The following USP32 variants were observed in gnomAD, a reference collection of about 807,000 sequenced individuals.
USP32 encodes the protein ubiquitin specific peptidase 32.
Under a neutral mutation model 204.8 loss-of-function variants are expected in USP32, and 59 were observed. The observed-to-expected ratio is 0.29, with a 90% CI of 0.23 to 0.36. The LOEUF (loss-of-function observed/expected upper bound fraction) is 0.36. Ranked by LOEUF, USP32 falls within the 10% of genes least tolerant of loss-of-function variation. USP32 has a pLI of 1.00. For synonymous variants in USP32, 517 were observed against 678.4 expected (o/e 0.76, Z 3.70); for missense variants, 1,160 against 1,946.4 (o/e 0.60, Z 7.60).
chr17:60,361,943 G>T (rs2089215900), intron 1 of USP32, among the ~76,000 whole-genome samples: 2 of 152,120 alleles, frequency 1.3e-5, no homozygotes, highest in South Asian at 2.1e-4. Flanking sequence ...CTATATGTGG[G>T]TATGTGCCTG....
chr17:60,273,090 A>G (rs772291147), intron 5 of USP32, among the ~76,000 whole-genome samples: 1 of 152,144 alleles, frequency 6.6e-6, no homozygotes, highest in East Asian at 1.9e-4. Flanking sequence ...CTTGTGTTTC[A>G]GCTTCCCAAG....
Position 60,226,167 on chromosome 17 carries a change from G to A in USP32, c.1304C>T (p.Thr435Ile). 6.3e-7 allele frequency: 1 copy of A among 1,597,570 alleles called. No individual in the cohort carries two copies. ...GACCTGCTCCATAGGATGGGCTGCA[G>A]TTCCAAATGAGTATTTTCCTCCATT... ...VLNGGKYSFGTAAHPMEQVED... is the reference protein window; with the variant it reads ...VLNGGKYSFGIAAHPMEQVED... Residue 435 changes from threonine (T) to isoleucine (I), a missense_variant, in exon 13 of 34, where the codon ACT becomes ATT. Physicochemically the swap from Thr to Ile is moderately conservative, Grantham distance 89 (BLOSUM62 -1). This residue lies in a region of USP32 where 536 missense variants were observed against 680.9 expected (regional missense o/e 0.79). Transcript: ENST00000300896.
intron 16 of USP32, among the ~76,000 whole-genome samples, chr17:60,219,006 T>C (rs1252785189): frequency 6.6e-6 from 1 of 152,228 alleles, no homozygotes; most frequent in Admixed American, 6.5e-5. Context: ...AGGGGAACTT[T>C]TTGCATGTTA....
At chr17:60,349,680 C>T (rs2088903274) in intron 1 of USP32, among the ~76,000 whole-genome samples, 1 of 127,924 alleles carries the variant, frequency 7.8e-6, no homozygotes, top group Admixed American at 8.7e-5. Context: ...TATATATACA[C>T]ACATATATAT....
chr17:60,189,969 T>A (rs982898731), intron 29 of USP32, among the ~76,000 whole-genome samples: 7 of 152,238 alleles, frequency 4.6e-5, no homozygotes, highest in African/African-American at 1.7e-4. Flanking sequence ...TTTGTCTCCA[T>A]CAAAATGCAT....
At chr17:60,351,480 G>C (rs953072142) in intron 1 of USP32, among the ~76,000 whole-genome samples, 1 of 151,742 alleles carries the variant, frequency 6.6e-6, no homozygotes, top group African/African-American at 2.4e-5. Context: ...CGTCCCCCAG[G>C]CTGGAATGCA....
chr17:60,240,406 C>T (rs1023784456), intron 11 of USP32, among the ~76,000 whole-genome samples: 12 of 151,162 alleles, frequency 7.9e-5, no homozygotes, highest in African/African-American at 2.9e-4. Context: ...AGTATTTTGA[C>T]AGTGATTTCC....
chr17:60,256,333 T>A (rs1009297131), intron 9 of USP32, among the ~76,000 whole-genome samples: 2 of 152,260 alleles, frequency 1.3e-5, no homozygotes, highest in Admixed American at 6.5e-5. Context: ...ATCACTAGAT[T>A]ATGACTAACA....
chr17:60,213,434 T>C (rs2085022824), intron 18 of USP32, 147 bp downstream of exon 18: 1 of 519,490 alleles, frequency 1.9e-6, no homozygotes, highest in African/African-American at 2.0e-5. Context: ...GTTTTCTTTT[T>C]CTTTTTTTTC....
At chr17:60,302,973 T>C (rs1381214527) in intron 2 of USP32, among the ~76,000 whole-genome samples, 2 of 152,276 alleles carry the variant, frequency 1.3e-5, no homozygotes, top group South Asian at 2.1e-4. Flanking sequence ...TAAAAATGCA[T>C]GATTAAACAA....
chr17:60,410,689 A>C (rs944942483), intron 1 of USP32, among the ~76,000 whole-genome samples: 1 of 152,132 alleles, frequency 6.6e-6, no homozygotes, highest in Non-Finnish European at 1.5e-5. Flanking sequence ...AAAGAAAGAA[A>C]GAACTAGAGA....
chr17:60,411,666 T>C lies in USP32; in HGVS notation c.106+10580A>G, dbSNP rs73324518. On this transcript the variant is annotated intron_variant, in intron 1 of 3. Coordinates refer to the USP32 transcript ENST00000588898. Reference sequence around the variant, plus strand: ...CTGAGATTACAGGCATGCACCACCATGTACAGCTCCTATTCTACTTTCTGT... The same window carrying C: ...CTGAGATTACAGGCATGCACCACCACGTACAGCTCCTATTCTACTTTCTGT... Among the ~76,000 whole-genome samples, 828 of 151,910 alleles carry C rather than the reference T, an allele frequency of 5.5e-3. 6 individuals are homozygous for C. Among genetic ancestry groups the C allele is most frequent in the African/African-American group, 0.018 (753 of 41,488 alleles).
At chr17:60,202,545 T>C (rs1053026897) in intron 26 of USP32, among the ~76,000 whole-genome samples, 1 of 152,144 alleles carries the variant, frequency 6.6e-6, no homozygotes, top group African/African-American at 2.4e-5. Flanking sequence ...AGAGAACTGA[T>C]ATCTTAAAAT....
chr17:60,263,947 G>A (rs1343503569), intron 9 of USP32, among the ~76,000 whole-genome samples: 2 of 150,964 alleles, frequency 1.3e-5, no homozygotes, highest in Admixed American at 6.6e-5. Context: ...ACCAATCTGC[G>A]ACTTGGTACA....
intron 8 of USP32, 90 bp from the exon 9 acceptor site, chr17:60,265,564 TG>T (rs1201470515): frequency 4.5e-6 from 4 of 897,956 alleles, no homozygotes; most frequent in Non-Finnish European, 6.9e-6. Context: ...AAGCAAGATT[TG>T]TTTTGCTTTT....
rs180929821 is a variant in USP32 at position 60,321,809 on chromosome 17, C to T, written c.187-20105G>A. Among the ~76,000 whole-genome samples the T allele has an allele frequency of 2.6e-4, 39 of 151,658 alleles. 1 individual carries two copies. In the East Asian group the frequency reaches 5.6e-3, roughly 22 times the overall value. On this transcript the variant is annotated intron_variant, in intron 2 of 33. Transcript: ENST00000300896. Reference sequence around the variant, plus strand: ...AGCTTCTCTTTTAACAGTGACCATTCGTTGTGATGGTCAACTCTATTAATC... The same window carrying T: ...AGCTTCTCTTTTAACAGTGACCATTTGTTGTGATGGTCAACTCTATTAATC...
chr17:60,343,179 T>C (rs1216794554), intron 2 of USP32, among the ~76,000 whole-genome samples: 1 of 152,088 alleles, frequency 6.6e-6, no homozygotes, highest in Non-Finnish European at 1.5e-5. Flanking sequence ...ACAAAGAGAC[T>C]TGGACTCCCA....
At chr17:60,383,545 C>T (rs149607440) in intron 1 of USP32, among the ~76,000 whole-genome samples, 1 of 152,356 alleles carries the variant, frequency 6.6e-6, no homozygotes, top group East Asian at 1.9e-4. Context: ...TGTACACAAA[C>T]TGTTCAGAAT....
At chr17:60,214,143 C>T (rs1213211819) in intron 17 of USP32, among the ~76,000 whole-genome samples, 2 of 151,952 alleles carry the variant, frequency 1.3e-5, no homozygotes, top group African/African-American at 2.4e-5. Flanking sequence ...GGTTTCACCA[C>T]GTTGGCCAGG....
Sources: gnomAD v4.1 joint callset for allele counts (sites outside exome capture counted in the v4.1 genomes callset) on GRCh38, gnomAD v4.1.1 for gene constraint, gnomAD v4.1.1 regional missense constraint, MANE v1.5 for transcripts, NCBI Gene and HGNC (gene_info 2026-07-23, HGNC 2026-07-21) for gene names.